HTR1F: variants seen among roughly 807,000 people sequenced by gnomAD.
The protein encoded by HTR1F is 5-hydroxytryptamine receptor 1F.
A neutral mutation model predicts 24.0 loss-of-function variants in HTR1F; 17 were observed. That is an observed-to-expected ratio of 0.71 (90% CI 0.48 to 1.06). The LOEUF is 1.06. Ranked by LOEUF, HTR1F falls within the 50% of genes least tolerant of loss-of-function variation. The probability of loss-of-function intolerance (pLI) is 0.00; values close to 1 mark genes in which losing one functional copy is unlikely to be tolerated. For synonymous variants in HTR1F, 186 were observed against 156.8 expected, an observed-to-expected ratio of 1.19 and a Z score of -1.39; for missense variants, 391 against 427.8, an observed-to-expected ratio of 0.91 and a Z score of 0.76.
chr3:87,815,660 C>T (rs1704236705), intron 1 of HTR1F, among the ~76,000 whole-genome samples: 1 of 152,044 alleles, frequency 6.6e-6, no homozygotes, highest in South Asian at 2.1e-4. Context: ...AGGGAAGTAA[C>T]ATGATGGAAA....
At chr3:87,926,893 A>G (rs1270704593) in intron 2 of HTR1F, among the ~76,000 whole-genome samples, 1 of 152,134 alleles carries the variant, frequency 6.6e-6, no homozygotes, top group Non-Finnish European at 1.5e-5. Context: ...TCAGTAACAT[A>G]TTTCTCCTCA....
intron 2 of HTR1F, among the ~76,000 whole-genome samples, chr3:87,831,512 G>A (rs1575919689): frequency 6.6e-6 from 1 of 151,928 alleles, no homozygotes; most frequent in Admixed American, 6.6e-5. Context: ...ACAGGCGCCG[G>A]CCACCACGCC....
intron 1 of HTR1F, among the ~76,000 whole-genome samples, chr3:87,810,012 A>G (rs1269874786): frequency 1.3e-5 from 2 of 152,086 alleles, no homozygotes; most frequent in African/African-American, 4.8e-5. Flanking sequence ...ATTAGCTACC[A>G]TAAATATCAG....
chr3:87,851,641 A>C (rs1705088836), intron 2 of HTR1F, among the ~76,000 whole-genome samples: 1 of 151,688 alleles, frequency 6.6e-6, no homozygotes, highest in Non-Finnish European at 1.5e-5. Flanking sequence ...GCCATAATAA[A>C]TCCAACTATT....
At chr3:87,865,770 A>T (rs946344408) in intron 2 of HTR1F, among the ~76,000 whole-genome samples, 1 of 151,982 alleles carries the variant, frequency 6.6e-6, no homozygotes, top group Non-Finnish European at 1.5e-5. Flanking sequence ...GGATATTTTG[A>T]TTGTTTCTGG....
intron 2 of HTR1F, among the ~76,000 whole-genome samples, chr3:87,962,495 C>T (rs568403832): frequency 2.6e-5 from 4 of 152,022 alleles, no homozygotes; most frequent in Non-Finnish European, 5.9e-5. Flanking sequence ...CTTAAGTCAA[C>T]ATGTGAGAAT....
At chr3:87,918,311 A>C (rs1407810321) in intron 2 of HTR1F, among the ~76,000 whole-genome samples, 1 of 152,112 alleles carries the variant, frequency 6.6e-6, no homozygotes, top group Admixed American at 6.6e-5. Context: ...AACTGGAAGA[A>C]GACAAGGATG....
intron 2 of HTR1F, among the ~76,000 whole-genome samples, chr3:87,949,355 A>G (rs1704783816): frequency 6.6e-6 from 1 of 152,244 alleles, no homozygotes; most frequent in African/African-American, 2.4e-5. Flanking sequence ...CTGACACTGC[A>G]TATCTAGAAA....
intron 2 of HTR1F, among the ~76,000 whole-genome samples, chr3:87,979,550 G>C (rs1242342608): frequency 6.6e-6 from 1 of 152,272 alleles, no homozygotes; most frequent in South Asian, 2.1e-4. Context: ...ACAGATCCTG[G>C]ATGAGCCCCT....
intron 2 of HTR1F, among the ~76,000 whole-genome samples, chr3:87,828,341 C>T (rs1387130694): frequency 1.3e-5 from 2 of 152,110 alleles, no homozygotes; most frequent in Non-Finnish European, 2.9e-5. Flanking sequence ...ATGTTTTTAG[C>T]CTCTTTTTCT....
chr3:87,846,200 A>G (rs1403714203), intron 2 of HTR1F, among the ~76,000 whole-genome samples: 1 of 152,042 alleles, frequency 6.6e-6, no homozygotes, highest in Non-Finnish European at 1.5e-5. Flanking sequence ...TGGGAGGCTG[A>G]GACAGGTGGA....
At chr3:87,875,603 GC>G (rs1705652494) in intron 2 of HTR1F, among the ~76,000 whole-genome samples, 1 of 151,914 alleles carries the variant, frequency 6.6e-6, no homozygotes, top group South Asian at 2.1e-4. Flanking sequence ...GGACACAACA[GC>G]AAAAAATCAA....
chr3:87,920,142 A>C (rs1285938810), intron 2 of HTR1F, among the ~76,000 whole-genome samples: 1 of 151,718 alleles, frequency 6.6e-6, no homozygotes, highest in Non-Finnish European at 1.5e-5. Context: ...AAGTGAAGTA[A>C]CTCAGGAATG....
At position 87,955,910 on chromosome 3, in the gene HTR1F, T is replaced by G. The variant is rs562248311; in HGVS notation, c.-42-34798T>G. Among the ~76,000 whole-genome samples, 55 of 151,578 alleles carry G rather than the reference T, an allele frequency of 3.6e-4. 1 individual carries two copies. The South Asian group carries it at 7.0e-3, about 19-fold the overall frequency. On this transcript the variant is annotated intron_variant, in intron 2 of 2. Transcript: ENST00000319595. ...TTAAATGAGTTATTAGTCTTATTGT[T>G]AACTTATAAGAGATCTGTATATGGT...
chr3:87,831,871 T>C (rs1308364750), intron 2 of HTR1F, among the ~76,000 whole-genome samples: 1 of 152,244 alleles, frequency 6.6e-6, no homozygotes, highest in Non-Finnish European at 1.5e-5. Context: ...TTTATATTTT[T>C]ATGAGCCACA....
chr3:87,947,768 C>A (rs1210978146), intron 2 of HTR1F, among the ~76,000 whole-genome samples: 1 of 138,896 alleles, frequency 7.2e-6, no homozygotes, highest in Non-Finnish European at 1.5e-5. Flanking sequence ...AGTAACTGCT[C>A]AAAAATATTA....
At chr3:87,873,093 CAT>C (rs1162826744) in intron 2 of HTR1F, among the ~76,000 whole-genome samples, 4 of 130,172 alleles carry the variant, frequency 3.1e-5, no homozygotes, top group Middle Eastern at 4.0e-3. Flanking sequence ...TACATGCATA[CAT>C]ACACACACAC....
At position 87,991,842 on chromosome 3, in the gene HTR1F, C is replaced by CGATGTTAGT; in HGVS notation, c.1094_*1dup. On this transcript the variant is annotated stop_gained and inframe_insertion, in exon 3 of 3. Transcript: ENST00000319595. LOFTEE classifies it high-confidence loss of function. ...AGCATTCCAAAAGCTTGTGCGATGT[C>CGATGTTAGT]GATGTTAGTTTTAAAAATGTTTATT... The CGATGTTAGT allele has an allele frequency of 6.4e-7, 1 of 1,555,836 alleles. No homozygotes were observed. The highest frequency in any genetic ancestry group is 8.7e-7 in the Non-Finnish European group (1 of 1,153,166).
At chr3:87,873,475 T>C (rs779787343) in intron 2 of HTR1F, among the ~76,000 whole-genome samples, 1 of 152,172 alleles carries the variant, frequency 6.6e-6, no homozygotes, top group Non-Finnish European at 1.5e-5. Context: ...CTATTCAAGA[T>C]ATAATGTATT....
Sources: allele counts gnomAD v4.1 joint callset (sites outside exome capture counted in the v4.1 genomes callset), GRCh38; gene constraint gnomAD v4.1.1; transcripts MANE v1.5; gene names NCBI Gene and HGNC (gene_info 2026-07-23, HGNC 2026-07-21).